The following TRAK1 variants were observed in gnomAD, a reference collection of about 807,000 sequenced individuals.
TRAK1 encodes the protein trafficking kinesin protein 1.
A neutral mutation model predicts 92.1 loss-of-function variants in TRAK1; 33 were observed. That is an observed-to-expected ratio of 0.36 (90% CI 0.27 to 0.48). The LOEUF is 0.48. Ranked by LOEUF, TRAK1 falls within the 20% of genes least tolerant of loss-of-function variation. The pLI is 0.99. For synonymous variants in TRAK1, 521 were observed against 517.3 expected (o/e 1.01, Z -0.10); for missense variants, 1,123 against 1,257.9 (o/e 0.89, Z 1.62).
At chr3:42,183,553 T>TAAAAA (rs11293523) in intron 3 of TRAK1, among the ~76,000 whole-genome samples, 4 of 117,354 alleles carry the variant, frequency 3.4e-5, no homozygotes, top group African/African-American at 6.4e-5. Context: ...AGACTCTGTC[T>TAAAAA]AAAAAAAAAA....
chr3:42,127,000 T>C (rs2149146381), intron 2 of TRAK1, among the ~76,000 whole-genome samples: 1 of 152,320 alleles, frequency 6.6e-6, no homozygotes, highest in African/African-American at 2.4e-5. Flanking sequence ...AGAATTGTAC[T>C]CATATTGAAG....
chr3:42,180,325 A>T (rs1159930705), intron 3 of TRAK1, among the ~76,000 whole-genome samples: 1 of 152,116 alleles, frequency 6.6e-6, no homozygotes, highest in Non-Finnish European at 1.5e-5. Flanking sequence ...CTGCATAATA[A>T]TCACATCAGG....
At chr3:42,075,091 A>G (rs1249380339) in intron 1 of TRAK1, among the ~76,000 whole-genome samples, 2 of 152,030 alleles carry the variant, frequency 1.3e-5, no homozygotes, top group Non-Finnish European at 2.9e-5. Context: ...ATTTTCTTTG[A>G]CCAGTCCACC....
intron 2 of TRAK1, among the ~76,000 whole-genome samples, chr3:42,143,643 C>T (rs9284877): frequency 0.073 from 11,042 of 152,184 alleles, 577 homozygotes; most frequent in Admixed American, 0.13. Context: ...GAGGCTTACC[C>T]GAGACGGCTC....
intron 8 of TRAK1, among the ~76,000 whole-genome samples, chr3:42,193,600 C>G (rs897644643): frequency 3.3e-5 from 5 of 151,732 alleles, no homozygotes; most frequent in African/African-American, 1.2e-4. Flanking sequence ...AAAATGCTTC[C>G]AGAGAGCTTT....
chr3:42,200,847 G>A lies in TRAK1; in HGVS notation c.1220G>A (p.Arg407Lys). The A allele has an allele frequency of 6.2e-7, 1 of 1,614,134 alleles. No individual in the cohort carries two copies. Among genetic ancestry groups the A allele is most frequent in the Non-Finnish European group, 8.5e-7 (1 of 1,180,030 alleles). ...CAGAAGCGTGTCTTTGAGACAGTAAGAAACATCAACCAGGTTGTCAAGCAG... is the reference window on the plus strand; with the variant it reads ...CAGAAGCGTGTCTTTGAGACAGTAAAAAACATCAACCAGGTTGTCAAGCAG... The part of the protein sequence containing the change: ...THQKRVFETV[R>K]NINQVVKQRS... Residue 407 changes from arginine (R) to lysine (K), a missense_variant, in exon 12 of 16, where the codon AGA (arginine) becomes AAA (lysine). Physicochemically the swap from Arg to Lys is conservative, Grantham distance 26 (BLOSUM62 2). Around this residue, in one of 3 missense-constraint regions of TRAK1, gnomAD observed 686 missense variants for 747.6 expected, o/e 0.92. Coordinates refer to ENST00000327628, the MANE Select transcript of TRAK1 (RefSeq NM_001042646.3).
intron 3 of TRAK1, among the ~76,000 whole-genome samples, chr3:42,178,599 G>T (rs144526588): frequency 1.1e-3 from 168 of 152,174 alleles, no homozygotes; most frequent in African/African-American, 3.9e-3. Context: ...TCATCCAGCT[G>T]GATGAACAAT....
intron 2 of TRAK1, among the ~76,000 whole-genome samples, chr3:42,126,479 A>T (rs1163177142): frequency 2.6e-5 from 4 of 152,196 alleles, no homozygotes; most frequent in Non-Finnish European, 5.9e-5. Flanking sequence ...CATGATGGCC[A>T]GGGTGTGAAA....
upstream of TRAK1, among the ~76,000 whole-genome samples, chr3:42,082,261 C>G (rs17067881): frequency 2.6e-5 from 4 of 151,972 alleles, no homozygotes; most frequent in Admixed American, 2.0e-4. Context: ...GTAGTGAAAG[C>G]GAAAGTTATA....
chr3:42,094,099 A>T (rs985423767), intron 1 of TRAK1, among the ~76,000 whole-genome samples: 9 of 152,176 alleles, frequency 5.9e-5, no homozygotes, highest in Admixed American at 1.3e-4. Context: ...GGAAAAAAAA[A>T]TGGCAGTTTT....
At chr3:42,158,308 ATCTTATCG>A (rs2149288004) in intron 2 of TRAK1, among the ~76,000 whole-genome samples, 2 of 152,152 alleles carry the variant, frequency 1.3e-5, no homozygotes, top group East Asian at 3.9e-4. Flanking sequence ...TATCCTACTC[ATCTTATCG>A]TCAATCTGAT....
intron 1 of TRAK1, among the ~76,000 whole-genome samples, chr3:42,074,375 A>G (rs1704059398): frequency 6.6e-6 from 1 of 152,186 alleles, no homozygotes; most frequent in Non-Finnish European, 1.5e-5. Context: ...ATCACCTTCT[A>G]CGCAGGCATC....
chr3:42,025,921 C>G (rs1701896638), intron 1 of TRAK1, among the ~76,000 whole-genome samples: 2 of 152,218 alleles, frequency 1.3e-5, no homozygotes, highest in African/African-American at 4.8e-5. Flanking sequence ...TAACAAATAG[C>G]TTTTCCATGA....
Position 42,224,075 on chromosome 3 carries a change from C to G in TRAK1, c.*338C>G, listed in dbSNP as rs1327863076. On this transcript the variant is annotated 3_prime_UTR_variant, in exon 16 of 16. Transcript: ENST00000327628. ...TCCTTTTGAGAAGCACTGAAACTCC[C>G]AAGTGTGTTCTTATCCCATGGATAG... 4.1e-6 allele frequency: 2 copies of G among 490,648 alleles called. No individual in the cohort carries two copies. Among genetic ancestry groups the G allele is most frequent in the Non-Finnish European group, 8.0e-6 (2 of 250,322 alleles). 30.4% of individuals were successfully genotyped at this position (490,648 alleles called of 1,614,324 possible).
intron 1 of TRAK1, among the ~76,000 whole-genome samples, chr3:42,076,216 C>CTTT (rs3073733): frequency 3.3e-4 from 21 of 62,708 alleles, no homozygotes; most frequent in African/African-American, 1.3e-3. Context: ...GATATTAGAC[C>CTTT]TTTTTTTTTT....
chr3:42,092,193 GTC>G (rs1705161565), intron 1 of TRAK1, among the ~76,000 whole-genome samples: 1 of 152,068 alleles, frequency 6.6e-6, no homozygotes, highest in African/African-American at 2.4e-5. Flanking sequence ...TGTGGCTTGT[GTC>G]TCTTGCTGTG....
rs549322574 is a variant in TRAK1, at chr3:42,194,856, C to T, written c.1028C>T (p.Ala343Val). 31 of 1,613,832 alleles carry T rather than the reference C, an allele frequency of 1.9e-5. No homozygotes were observed. Among genetic ancestry groups the T allele is most frequent in the Admixed American group, 1.5e-4 (9 of 59,978 alleles). ...GAGTGCATGGAGATGCTGCATGAGG[C>T]GCAGGAGGAGCTGAAGAACCTCCGG... ...YAECMEMLHEAQEELKNLRNK... is the reference protein window; with the variant it reads ...YAECMEMLHEVQEELKNLRNK... The change falls in exon 10 of 16, where the codon GCG (alanine) becomes GTG (valine). Residue 343 changes from alanine to valine, a missense_variant. By Grantham distance (64) the Ala-to-Val change is moderately conservative. This residue lies in a region of TRAK1 where 686 missense variants were observed against 747.6 expected (regional missense o/e 0.92). Transcript: ENST00000327628.
At chr3:42,080,317 G>C (rs1471322605) in intron 1 of TRAK1, among the ~76,000 whole-genome samples, 2 of 152,142 alleles carry the variant, frequency 1.3e-5, no homozygotes, top group African/African-American at 4.8e-5. Context: ...TGGGGCAGGG[G>C]ACCTGGGCCA....
rs774585564 is a variant in TRAK1, at chr3:42,223,729, T to C, written c.2854T>C (p.Leu952=). The C allele has an allele frequency of 6.2e-7, 1 of 1,602,950 alleles. No individual in the cohort carries two copies. The highest frequency in any genetic ancestry group is 1.1e-5 in the South Asian group (1 of 90,652). Reference sequence around the variant, plus strand: ...TGCTAAGCTCTCCAAACAAACTAGCTTACGGTGAGGACTGGAGGGGGGCCG... The same window carrying C: ...TGCTAAGCTCTCCAAACAAACTAGCCTACGGTGAGGACTGGAGGGGGGCCG... ...MGAKLSKQTS[L]R The change falls in exon 16 of 16, where the codon TTA becomes CTA. Residue 952 remains leucine, a synonymous_variant. Coordinates refer to ENST00000327628, the MANE Select transcript of TRAK1 (RefSeq NM_001042646.3). The surrounding 1 kb of genome is among the most constrained non-coding windows in gnomAD (Gnocchi z 6.1).
Sources: allele counts gnomAD v4.1 joint callset (sites outside exome capture counted in the v4.1 genomes callset), GRCh38; gene constraint gnomAD v4.1.1; regional missense constraint gnomAD v4.1.1; non-coding constraint Gnocchi (gnomAD v3.1); transcripts MANE v1.5; gene names NCBI Gene and HGNC (gene_info 2026-07-23, HGNC 2026-07-21).